ADAMTS12: variants seen among roughly 807,000 people sequenced by gnomAD.
ADAMTS12 encodes A disintegrin and metalloproteinase with thrombospondin motifs 12.
ADAMTS12 carries 118 observed loss-of-function variants against 167.8 expected under a neutral mutation model. That is an observed-to-expected ratio of 0.70 (90% CI 0.61 to 0.82). The LOEUF is 0.82. ADAMTS12 is among the 40% of genes least tolerant of loss of function. ADAMTS12 has a pLI of 0.00. For missense variants in ADAMTS12, 1,916 were observed against 1,998.8 expected, an observed-to-expected ratio of 0.96 and a Z score of 0.79; for synonymous variants, 704 against 716.9, an observed-to-expected ratio of 0.98 and a Z score of 0.29.
chr5:33,812,396 G>A (rs1034919078), intron 2 of ADAMTS12, among the ~76,000 whole-genome samples: 7 of 152,104 alleles, frequency 4.6e-5, no homozygotes, highest in Admixed American at 2.6e-4. Context: ...TGAATATATC[G>A]AAAAATGAAC....
rs750474937 is a variant in ADAMTS12, at chr5:33,576,435, T to G, written c.3591A>C (p.Ala1197=). 86 of 1,611,952 alleles carry G rather than the reference T, an allele frequency of 5.3e-5. No individual in the cohort carries two copies. In the African/African-American group the frequency reaches 1.1e-3, roughly 21 times the overall value. The change falls in exon 19 of 24, where the codon GCA becomes GCC. Residue 1197 remains alanine (A), a synonymous_variant. Transcript: ENST00000504830. ...TGCTGAGATCTGGTGTTAGTGGAGG[T>G]GCAAGTGGCATTTCTGTACTTTCCA... The part of the protein sequence containing the change: ...APVESTEMPL[A]PPLTPDLSRE...
At chr5:33,542,719 C>T (rs1309035793) in intron 22 of ADAMTS12, among the ~76,000 whole-genome samples, 1 of 152,180 alleles carries the variant, frequency 6.6e-6, no homozygotes, top group African/African-American at 2.4e-5. Flanking sequence ...TCACTCAAAA[C>T]CACACAACTA....
At chr5:33,870,254 T>G (rs1045951294) in intron 2 of ADAMTS12, among the ~76,000 whole-genome samples, 1 of 152,192 alleles carries the variant, frequency 6.6e-6, no homozygotes, top group African/African-American at 2.4e-5. Context: ...CTTCAGCTTA[T>G]GAAGATGATG....
intron 2 of ADAMTS12, among the ~76,000 whole-genome samples, chr5:33,824,408 G>A (rs1199464650): frequency 6.6e-6 from 1 of 152,130 alleles, no homozygotes; most frequent in Non-Finnish European, 1.5e-5. Flanking sequence ...AGATCATTTG[G>A]TCAGTTCATT....
intron 16 of ADAMTS12, among the ~76,000 whole-genome samples, chr5:33,596,569 C>T (rs1288993523): frequency 6.6e-6 from 1 of 152,138 alleles, no homozygotes; most frequent in African/African-American, 2.4e-5. Flanking sequence ...GTCATCTCAG[C>T]TACTTGGGAG....
intron 2 of ADAMTS12, among the ~76,000 whole-genome samples, chr5:33,858,395 G>A (rs773193738): frequency 3.3e-5 from 5 of 152,196 alleles, no homozygotes; most frequent in Non-Finnish European, 7.3e-5. Flanking sequence ...GCTGGCTCAC[G>A]CCTATAATCC....
At chr5:33,717,116 T>C (rs10941082) in intron 3 of ADAMTS12, among the ~76,000 whole-genome samples, 78,669 of 150,286 alleles carry the variant, frequency 0.52, 23,697 homozygotes, top group Non-Finnish European at 0.69. Context: ...AAAGAAATTG[T>C]AGGTTTTTTT....
At chr5:33,648,114 T>A (rs1740744516) in intron 9 of ADAMTS12, among the ~76,000 whole-genome samples, 1 of 152,240 alleles carries the variant, frequency 6.6e-6, no homozygotes, top group Non-Finnish European at 1.5e-5. Context: ...AGGGATGAGT[T>A]CAGAGAGTAG....
chr5:33,751,992 T>C (rs1745004854), intron 2 of ADAMTS12, among the ~76,000 whole-genome samples: 1 of 152,236 alleles, frequency 6.6e-6, no homozygotes, highest in Non-Finnish European at 1.5e-5. Context: ...AGCCACATGT[T>C]CACACAACTG....
intron 19 of ADAMTS12, among the ~76,000 whole-genome samples, chr5:33,573,299 C>T (rs1173654168): frequency 5.3e-5 from 8 of 152,164 alleles, no homozygotes; most frequent in South Asian, 2.1e-4. Context: ...CAAGTCAATC[C>T]TAAGCCAAAA....
chr5:33,641,758 T>C (rs1740453031), intron 11 of ADAMTS12, 52 bp downstream of exon 11: 1 of 1,471,862 alleles, frequency 6.8e-7, no homozygotes, highest in Non-Finnish European at 9.1e-7. Flanking sequence ...CTGCCCCCCA[T>C]CCCGCCCCCA....
At position 33,588,684 on chromosome 5, in the gene ADAMTS12, T is replaced by A. The variant is rs1316817179; in HGVS notation, c.2780A>T (p.Gln927Leu). The A allele has an allele frequency of 6.2e-7, 1 of 1,614,134 alleles. No individual in the cohort carries two copies. Among genetic ancestry groups the A allele is most frequent in the Non-Finnish European group, 8.5e-7 (1 of 1,180,036 alleles). ...GAGGGTCTTGGGCTTCAGCAGGTGCTGGCAGTCTGTGGGCGGGAGAGCCTG... is the reference window on the plus strand; with the variant it reads ...GAGGGTCTTGGGCTTCAGCAGGTGCAGGCAGTCTGTGGGCGGGAGAGCCTG... Reference protein sequence around the residue: ...DEQALPPTDCQHLLKPKTLLS... With the variant: ...DEQALPPTDCLHLLKPKTLLS... The change falls in exon 18 of 24, where the codon CAG becomes CTG. Residue 927 changes from glutamine (Q) to leucine (L), a missense_variant. Coordinates refer to ENST00000504830, the MANE Select transcript of ADAMTS12 (RefSeq NM_030955.4).
chr5:33,805,684 T>C (rs139597350), intron 2 of ADAMTS12, among the ~76,000 whole-genome samples: 285 of 152,292 alleles, frequency 1.9e-3, no homozygotes, highest in African/African-American at 6.3e-3. Flanking sequence ...GTTTGTCTAA[T>C]AAATGTATGT....
At chr5:33,870,837 C>A (rs538794382) in intron 2 of ADAMTS12, among the ~76,000 whole-genome samples, 1 of 152,310 alleles carries the variant, frequency 6.6e-6, no homozygotes, top group South Asian at 2.1e-4. Flanking sequence ...TCCCCCTTCT[C>A]TGGCTATATA....
chr5:33,675,307 T>C (rs549522847), intron 5 of ADAMTS12, among the ~76,000 whole-genome samples: 1 of 152,156 alleles, frequency 6.6e-6, no homozygotes, highest in Non-Finnish European at 1.5e-5. Context: ...TCTAAATATA[T>C]GGGCAGGTCT....
intron 5 of ADAMTS12, among the ~76,000 whole-genome samples, chr5:33,682,603 G>A (rs1323870970): frequency 6.6e-6 from 1 of 152,150 alleles, no homozygotes; most frequent in Non-Finnish European, 1.5e-5. Flanking sequence ...AGATAGACAA[G>A]AGGTCCCAAA....
chr5:33,873,913 A>G (rs541132890), intron 2 of ADAMTS12, among the ~76,000 whole-genome samples: 20 of 152,224 alleles, frequency 1.3e-4, no homozygotes, highest in Non-Finnish European at 2.8e-4. Flanking sequence ...TATATTCTTC[A>G]AGAAAATTAA....
chr5:33,580,898 G>A (rs898124817), intron 18 of ADAMTS12, among the ~76,000 whole-genome samples: 6 of 152,196 alleles, frequency 3.9e-5, no homozygotes, highest in East Asian at 3.9e-4. Flanking sequence ...GAGTTTATAC[G>A]TCCCTCAGTG....
At chr5:33,808,132 AAAG>A (rs1420263176) in intron 2 of ADAMTS12, among the ~76,000 whole-genome samples, 3 of 152,184 alleles carry the variant, frequency 2.0e-5, no homozygotes, top group East Asian at 1.9e-4. Context: ...CCGCGTACAG[AAAG>A]AAGGACTTCT....
Sources: gnomAD v4.1 joint callset for allele counts (sites outside exome capture counted in the v4.1 genomes callset) on GRCh38, gnomAD v4.1.1 for gene constraint, MANE v1.5 for transcripts, NCBI Gene and HGNC (gene_info 2026-07-23, HGNC 2026-07-21) for gene names.